Variants in NEO1 observed in about 807,000 individuals in gnomAD.
The protein encoded by NEO1 is neogenin 1.
A neutral mutation model predicts 159.7 loss-of-function variants in NEO1; 63 were observed. The observed-to-expected ratio is 0.39, with a 90% CI of 0.32 to 0.49. The LOEUF (loss-of-function observed/expected upper bound fraction) is 0.49, where lower values mean the gene tolerates loss of function less well. NEO1 is among the 20% of genes least tolerant of loss of function. The pLI, the probability that NEO1 is intolerant of heterozygous loss-of-function variation, is 0.85. For missense variants in NEO1, 1,615 were observed against 1,831.0 expected (o/e 0.88, Z 2.15); for synonymous variants, 633 against 662.0 (o/e 0.96, Z 0.67).
At position 73,215,310 on chromosome 15, in the gene NEO1, A is replaced by C. The variant is rs182747413; in HGVS notation, c.1292-21037A>C. 2.4e-3 allele frequency among the ~76,000 whole-genome samples: 363 copies of C among 152,240 alleles called. 3 individuals are homozygous for C. Among genetic ancestry groups the C allele is most frequent in the African/African-American group, 7.5e-3 (311 of 41,556 alleles). On this transcript the variant is annotated intron_variant, in intron 7 of 28. Transcript: ENST00000261908. Reference sequence around the variant, plus strand: ...ATTTCTCTGGCTAGGACTTTCCAGTACTGTGTTGAAAAGAAGTGGTGAGAG... The same window carrying C: ...ATTTCTCTGGCTAGGACTTTCCAGTCCTGTGTTGAAAAGAAGTGGTGAGAG...
At chr15:73,289,519 ATCT>A (rs1431886166) in intron 25 of NEO1, among the ~76,000 whole-genome samples, 2 of 152,202 alleles carry the variant, frequency 1.3e-5, no homozygotes, top group Non-Finnish European at 2.9e-5. Context: ...AGTGCATCAT[ATCT>A]CTATGGGAGA....
chr15:73,091,656 T>A (rs1462206893), intron 1 of NEO1, among the ~76,000 whole-genome samples: 1 of 151,838 alleles, frequency 6.6e-6, no homozygotes, highest in Non-Finnish European at 1.5e-5. Context: ...TTGACCTCCC[T>A]GGGCTCAGGT....
intron 7 of NEO1, among the ~76,000 whole-genome samples, chr15:73,183,141 GGA>G (rs1292398443): frequency 6.6e-6 from 1 of 152,126 alleles, no homozygotes; most frequent in African/African-American, 2.4e-5. Context: ...GGCAAAAGCA[GGA>G]GACTACAGAA....
intron 1 of NEO1, among the ~76,000 whole-genome samples, chr15:73,078,005 C>T (rs990935966): frequency 2.0e-5 from 3 of 152,110 alleles, no homozygotes; most frequent in African/African-American, 7.2e-5. Context: ...AATGAGCAAA[C>T]ATCCAGAAGT....
chr15:73,247,613 A>G (rs968824742), intron 9 of NEO1, among the ~76,000 whole-genome samples: 5 of 152,210 alleles, frequency 3.3e-5, no homozygotes, highest in Admixed American at 1.3e-4. Flanking sequence ...AGCAAAATTA[A>G]TCTTAAGCTG....
At chr15:73,157,420 G>A (rs971983208) in intron 5 of NEO1, among the ~76,000 whole-genome samples, 3 of 152,184 alleles carry the variant, frequency 2.0e-5, no homozygotes, top group African/African-American at 4.8e-5. Context: ...TGTATGGGAC[G>A]TCCCTGGAGC....
intron 5 of NEO1, chr15:73,161,905 C>T: frequency 5.0e-6 from 1 of 198,080 alleles, no homozygotes; most frequent in Non-Finnish European, 1.1e-5. Flanking sequence ...TACTTCCTTG[C>T]TGTTTTGCTT....
intron 7 of NEO1, among the ~76,000 whole-genome samples, chr15:73,196,854 A>G (rs967646127): frequency 1.3e-5 from 2 of 152,220 alleles, no homozygotes; most frequent in African/African-American, 4.8e-5. Context: ...TTACTTCGGC[A>G]GATGATCCCA....
At chr15:73,109,779 A>G (rs1243565166) in intron 1 of NEO1, among the ~76,000 whole-genome samples, 1 of 152,166 alleles carries the variant, frequency 6.6e-6, no homozygotes, top group Non-Finnish European at 1.5e-5. Context: ...TTAAAAGCAT[A>G]TATGTTTATC....
chr15:73,096,641 G>C (rs1370909870), intron 1 of NEO1, among the ~76,000 whole-genome samples: 1 of 152,152 alleles, frequency 6.6e-6, no homozygotes, highest in Non-Finnish European at 1.5e-5. Flanking sequence ...GCACAGGAAA[G>C]CTTCAGCACA....
At chr15:73,072,950 G>A (rs1050883672) in intron 1 of NEO1, among the ~76,000 whole-genome samples, 2 of 152,192 alleles carry the variant, frequency 1.3e-5, no homozygotes, top group African/African-American at 4.8e-5. Context: ...AGGATGATGG[G>A]TGCTGATGTC....
chr15:73,180,041 A>T (rs74809219), intron 7 of NEO1, among the ~76,000 whole-genome samples: 2,066 of 152,270 alleles, frequency 0.014, 20 homozygotes, highest in South Asian at 0.017. Context: ...TAAATTGATA[A>T]GGGTACCTGT....
chr15:73,279,746 G>C (rs2041605521), intron 22 of NEO1, among the ~76,000 whole-genome samples: 1 of 152,128 alleles, frequency 6.6e-6, no homozygotes. Flanking sequence ...AAGCTTCCTA[G>C]AAGAGGTGCC....
intron 5 of NEO1, among the ~76,000 whole-genome samples, chr15:73,174,242 G>A (rs1047214891): frequency 2.0e-5 from 3 of 152,196 alleles, no homozygotes; most frequent in Non-Finnish European, 4.4e-5. Context: ...AAATCAGGAA[G>A]ACTGTTGTTC....
chr15:73,192,256 CATAT>C (rs1441925213), intron 7 of NEO1, among the ~76,000 whole-genome samples: 1 of 147,882 alleles, frequency 6.8e-6, no homozygotes, highest in Non-Finnish European at 1.5e-5. Context: ...CTTACACATA[CATAT>C]ACACATATTC....
In NEO1 at chr15:73,249,880, C is replaced by T. The variant is rs191295028; in HGVS notation, c.1894+159C>T. ...AGTCAAGTCTGAACATCTTTTTTCA[C>T]GTGTAAAATGTAGATAATACCAACT... On this transcript the variant is annotated intron_variant, in intron 11 of 28. Coordinates refer to ENST00000261908, the MANE Select transcript of NEO1 (RefSeq NM_002499.4). 1.5e-3 allele frequency among the ~76,000 whole-genome samples: 229 copies of T among 152,200 alleles called. 2 individuals are homozygous for T. The highest frequency in any genetic ancestry group is 2.7e-3 in the Admixed American group (41 of 15,286).
chr15:73,162,369 CTTTA>C (rs1181186855), intron 5 of NEO1: 2 of 169,098 alleles, frequency 1.2e-5, no homozygotes, highest in Non-Finnish European at 1.3e-5. Flanking sequence ...GCCACTATTA[CTTTA>C]TTTATTTTGT....
In NEO1 at chr15:73,288,416, C is replaced by G; in HGVS notation, c.3514C>G (p.Leu1172Val). ...DLWIHHERLE[L>V]KPIDKSPDPN... Reference sequence around the variant, plus strand: ...CTGGATCCATCATGAGAGACTGGAGCTGAAACCCATTGATAAGTCTCCAGA... The same window carrying G: ...CTGGATCCATCATGAGAGACTGGAGGTGAAACCCATTGATAAGTCTCCAGA... Residue 1172 changes from leucine to valine, a missense_variant, in exon 24 of 29, where the codon CTG becomes GTG. Coordinates refer to ENST00000261908, the MANE Select transcript of NEO1 (RefSeq NM_002499.4). The G allele has an allele frequency of 6.2e-7, 1 of 1,614,108 alleles. No homozygotes were observed.
chr15:73,111,039 A>G (rs1385273966), intron 1 of NEO1, among the ~76,000 whole-genome samples: 3 of 152,240 alleles, frequency 2.0e-5, no homozygotes, highest in Non-Finnish European at 2.9e-5. Flanking sequence ...ATATACATAT[A>G]TAAAAGTAGC....
Sources: gnomAD v4.1 joint callset for allele counts (sites outside exome capture counted in the v4.1 genomes callset) on GRCh38, gnomAD v4.1.1 for gene constraint, MANE v1.5 for transcripts, NCBI Gene and HGNC (gene_info 2026-07-23, HGNC 2026-07-21) for gene names.